Variants in SLIT2 observed in about 807,000 individuals in gnomAD.
SLIT2 encodes slit guidance ligand 2.
SLIT2 carries 41 observed loss-of-function variants against 185.7 expected under a neutral mutation model. That is an observed-to-expected ratio of 0.22 (90% CI 0.17 to 0.29). The LOEUF is 0.29. Ranked by LOEUF, SLIT2 falls within the 10% of genes least tolerant of loss-of-function variation. SLIT2 has a pLI of 1.00. For missense variants in SLIT2, 1,571 were observed against 1,909.0 expected (o/e 0.82, Z 3.30); for synonymous variants, 693 against 680.2 (o/e 1.02, Z -0.29).
At chr4:20,470,151 C>A (rs1234947301) in intron 5 of SLIT2, among the ~76,000 whole-genome samples, 1 of 151,952 alleles carries the variant, frequency 6.6e-6, no homozygotes, top group Non-Finnish European at 1.5e-5. Context: ...CAGTAAAATG[C>A]TATGAAAATA....
chr4:20,384,455 A>C (rs953324525), intron 4 of SLIT2, among the ~76,000 whole-genome samples: 2 of 152,174 alleles, frequency 1.3e-5, no homozygotes, highest in Non-Finnish European at 2.9e-5. Context: ...TGGTTACATG[A>C]CTTGTAAACT....
At chr4:20,491,950 C>T (rs1487091978) in intron 9 of SLIT2, 51 bp downstream of exon 9, 13 of 1,569,934 alleles carry the variant, frequency 8.3e-6, no homozygotes, top group Non-Finnish European at 1.1e-5. Flanking sequence ...GTGAACCAAA[C>T]TTTGATTTTC....
chr4:20,348,518 G>A (rs1577477736), intron 4 of SLIT2, among the ~76,000 whole-genome samples: 1 of 151,990 alleles, frequency 6.6e-6, no homozygotes, highest in Non-Finnish European at 1.5e-5. Flanking sequence ...CAAAGCGCTG[G>A]GATTACAGAC....
At chr4:20,548,114 G>A (rs575824115) in intron 22 of SLIT2, among the ~76,000 whole-genome samples, 31 of 152,086 alleles carry the variant, frequency 2.0e-4, no homozygotes, top group African/African-American at 6.5e-4. Context: ...TTTGTCTATC[G>A]CAAGTCACCT....
At chr4:20,283,569 T>A in intron 4 of SLIT2, among the ~76,000 whole-genome samples, 1 of 152,180 alleles carries the variant, frequency 6.6e-6, no homozygotes, top group Admixed American at 6.5e-5. Context: ...TGAATGATGC[T>A]TCTCACCAGG....
chr4:20,567,660 A>G (rs1725215552), intron 28 of SLIT2, 45 bp downstream of exon 28: 2 of 1,388,520 alleles, frequency 1.4e-6, no homozygotes, highest in Non-Finnish European at 1.0e-6. Context: ...GTATTGGAGC[A>G]AAGATAACTA....
At chr4:20,296,767 C>T (rs1260494679) in intron 4 of SLIT2, among the ~76,000 whole-genome samples, 1 of 152,136 alleles carries the variant, frequency 6.6e-6, no homozygotes, top group Non-Finnish European at 1.5e-5. Flanking sequence ...TTCTTTAATG[C>T]GTTTAACTGA....
chr4:20,397,993 G>A (rs1007571546), intron 4 of SLIT2, among the ~76,000 whole-genome samples: 1 of 151,796 alleles, frequency 6.6e-6, no homozygotes, highest in African/African-American at 2.4e-5. Flanking sequence ...AGACGAGTGA[G>A]TAGAGAATGA....
intron 4 of SLIT2, among the ~76,000 whole-genome samples, chr4:20,415,506 TATTATA>T (rs772935003): frequency 6.6e-6 from 1 of 152,028 alleles, no homozygotes; most frequent in Non-Finnish European, 1.5e-5. Flanking sequence ...AATGTGTCGT[TATTATA>T]ATTATAGCAG....
At chr4:20,570,204 G>C (rs939589456) in intron 29 of SLIT2, among the ~76,000 whole-genome samples, 15 of 151,940 alleles carry the variant, frequency 9.9e-5, no homozygotes, top group African/African-American at 3.4e-4. Flanking sequence ...AGCATATTAA[G>C]TTTCCAGTAG....
At chr4:20,554,243 T>A (rs1724037255) in intron 26 of SLIT2, 1 of 530,766 alleles carries the variant, frequency 1.9e-6, no homozygotes, top group Non-Finnish European at 3.6e-6. Flanking sequence ...GGAAATTCCT[T>A]TCATAGCCTC....
rs1729765332 is a variant in SLIT2, at chr4:20,617,530, G to A, written c.4228G>A (p.Glu1410Lys). The A allele has an allele frequency of 6.2e-7, 1 of 1,613,926 alleles. No individual in the cohort carries two copies. The highest frequency in any genetic ancestry group is 1.7e-5 in the Admixed American group (1 of 60,004). The change falls in exon 36 of 37, where the codon GAG (glutamate) becomes AAG (lysine). Residue 1410 changes from glutamate (E) to lysine (K), a missense_variant. Around this residue, in one of 3 missense-constraint regions of SLIT2, gnomAD observed 223 missense variants for 245.2 expected, o/e 0.91. Coordinates refer to ENST00000504154, the MANE Select transcript of SLIT2 (RefSeq NM_004787.4). ...GHGGVLCDEE[E>K]DLFNPCQAIK... ...TGGAGGTGTCCTCTGTGATGAAGAGGAGGATCTGTTTAACCCATGCCAGGC... is the reference window on the plus strand; with the variant it reads ...TGGAGGTGTCCTCTGTGATGAAGAGAAGGATCTGTTTAACCCATGCCAGGC...
At chr4:20,334,142 C>T (rs1720296468) in intron 4 of SLIT2, among the ~76,000 whole-genome samples, 2 of 152,074 alleles carry the variant, frequency 1.3e-5, no homozygotes, top group Admixed American at 1.3e-4. Flanking sequence ...ATATGGTTAT[C>T]CCTCGCTAGA....
intron 4 of SLIT2, among the ~76,000 whole-genome samples, chr4:20,355,539 A>G (rs901822394): frequency 1.3e-5 from 2 of 152,162 alleles, no homozygotes; most frequent in Non-Finnish European, 2.9e-5. Flanking sequence ...TTTAAAAAAG[A>G]CATTTTCTTA....
At chr4:20,575,847 C>A (rs1726045347) in intron 29 of SLIT2, among the ~76,000 whole-genome samples, 1 of 151,892 alleles carries the variant, frequency 6.6e-6, no homozygotes, top group South Asian at 2.1e-4. Context: ...AATAAATTCC[C>A]CCCGAGAACT....
intron 4 of SLIT2, among the ~76,000 whole-genome samples, chr4:20,452,227 G>T (rs1355972500): frequency 6.6e-6 from 1 of 152,158 alleles, no homozygotes; most frequent in African/African-American, 2.4e-5. Context: ...ATTTTGTTTA[G>T]CTTCCTGAGG....
intron 11 of SLIT2, among the ~76,000 whole-genome samples, chr4:20,516,833 C>T (rs1017745172): frequency 3.3e-5 from 5 of 152,086 alleles, no homozygotes; most frequent in Non-Finnish European, 7.4e-5. Context: ...CTCCATATAG[C>T]AATAATTCCT....
At chr4:20,264,471 C>T (rs1042528714) in intron 3 of SLIT2, among the ~76,000 whole-genome samples, 1 of 151,690 alleles carries the variant, frequency 6.6e-6, no homozygotes, top group Non-Finnish European at 1.5e-5. Context: ...TTTGGTAAAA[C>T]TGTTTTCATA....
At chr4:20,417,309 A>G (rs1055744011) in intron 4 of SLIT2, among the ~76,000 whole-genome samples, 2 of 151,490 alleles carry the variant, frequency 1.3e-5, no homozygotes, top group Admixed American at 6.6e-5. Flanking sequence ...TTCTCTGCTA[A>G]TGTATTTCCT....
Sources: gnomAD v4.1 joint callset for allele counts (sites outside exome capture counted in the v4.1 genomes callset) on GRCh38, gnomAD v4.1.1 for gene constraint, gnomAD v4.1.1 regional missense constraint, MANE v1.5 for transcripts, NCBI Gene and HGNC (gene_info 2026-07-23, HGNC 2026-07-21) for gene names.